Variants in DZIP1L observed in about 807,000 individuals in gnomAD.
DZIP1L encodes the protein DAZ interacting zinc finger protein 1 like.
Under a neutral mutation model 88.7 loss-of-function variants are expected in DZIP1L, and 90 were observed. The ratio of observed to expected loss-of-function variants is 1.02; its 90% CI spans 0.86 to 1.21. DZIP1L has a LOEUF of 1.21. Ranked by LOEUF, DZIP1L falls within the 50% of genes most tolerant of loss-of-function variation. DZIP1L has a pLI of 0.00. For synonymous variants in DZIP1L, 363 were observed against 372.1 expected (o/e 0.98, Z 0.28); for missense variants, 932 against 955.8 (o/e 0.98, Z 0.33).
At chr3:138,101,715 CA>C (rs2042318327) in intron 2 of DZIP1L, 2 of 835,036 alleles carry the variant, frequency 2.4e-6, no homozygotes, top group Non-Finnish European at 4.2e-6. Flanking sequence ...TTGTGTTCTG[CA>C]TCTCAGACTC....
At chr3:138,111,868 G>C (rs2042625897) in intron 1 of DZIP1L, among the ~76,000 whole-genome samples, 1 of 152,106 alleles carries the variant, frequency 6.6e-6, no homozygotes, top group Admixed American at 6.5e-5. Flanking sequence ...GGTGGTGGGT[G>C]CCTGTAATCC....
At position 138,097,764 on chromosome 3, in the gene DZIP1L, A is replaced by G. The variant is rs753258945; in HGVS notation, c.585T>C (p.Gly195=). ...GCCCGGGCTGCTGTCTGGACTCACC[A>G]CCTTCTGCCACGCCTGCATGCCTGC... is the stretch of plus-strand genomic sequence containing the variant. ...IQRRHAGVAE[G]GKQKKQEQPV... Residue 195 remains glycine (G), a splice_region_variant and synonymous_variant, in exon 3 of 16, where the codon GGT becomes GGC. Coordinates refer to ENST00000327532, the MANE Select transcript of DZIP1L (RefSeq NM_173543.3). 1.3e-5 allele frequency: 21 copies of G among 1,609,760 alleles called. No individual in the cohort carries two copies. The highest frequency in any genetic ancestry group is 1.6e-5 in the Non-Finnish European group (19 of 1,178,260).
In DZIP1L at chr3:138,115,595, T is replaced by G. The variant is rs140636696; in HGVS notation, c.-349A>C. 7.5e-3 allele frequency: 1,146 copies of G among 152,094 alleles called. 9 individuals are homozygous for G. Among genetic ancestry groups the G allele is most frequent in the Non-Finnish European group, 9.8e-3 (667 of 68,036 alleles). The allele number at this position is 152,094 out of a possible 1,614,324, so 9.4% of individuals were successfully genotyped here. A position where few individuals can be genotyped will look rare whatever the true frequency, so the allele number is the denominator to read the frequency against. On this transcript the variant is annotated 5_prime_UTR_variant, in exon 1 of 16. Coordinates refer to ENST00000327532, the MANE Select transcript of DZIP1L (RefSeq NM_173543.3). The stretch of plus-strand genomic sequence containing the variant: ...GACAGAGAGCTCCTCGGTGCGTCGG[T>G]CAGCTCGTGGCTTGGGGTCTCTGGT...
chr3:138,084,841 A>G (rs1474273842), intron 7 of DZIP1L, among the ~76,000 whole-genome samples: 63 of 152,364 alleles, frequency 4.1e-4, no homozygotes, highest in Middle Eastern at 6.8e-3. Context: ...AGCTTTCTAC[A>G]TATGGCTAGC....
chr3:138,084,369 A>G, intron 7 of DZIP1L, 116 bp from the exon 8 acceptor site: 1 of 1,352,714 alleles, frequency 7.4e-7, no homozygotes, highest in Non-Finnish European at 9.8e-7. Context: ...AAGGATTTTG[A>G]GACCTGGACA....
chr3:138,073,228 C>T (rs1221957663), intron 11 of DZIP1L, among the ~76,000 whole-genome samples: 6 of 152,140 alleles, frequency 3.9e-5, no homozygotes, highest in Non-Finnish European at 5.9e-5. Flanking sequence ...AGTTTGAAAG[C>T]ACCACCTCCT....
chr3:138,087,056 C>T (rs746775274), intron 6 of DZIP1L, 33 bp from the exon 7 acceptor site: 1 of 1,606,248 alleles, frequency 6.2e-7, no homozygotes, highest in Non-Finnish European at 8.5e-7. Context: ...CAAATGGGCC[C>T]TTGCAGGTAT....
intron 6 of DZIP1L, among the ~76,000 whole-genome samples, chr3:138,087,349 C>G (rs755157268): frequency 7.2e-5 from 11 of 152,136 alleles, no homozygotes; most frequent in Admixed American, 4.6e-4. Flanking sequence ...TAAAAGAAAA[C>G]ACAGGAATGT....
intron 11 of DZIP1L, among the ~76,000 whole-genome samples, chr3:138,073,271 C>G (rs575265255): frequency 1.1e-4 from 17 of 152,134 alleles, no homozygotes; most frequent in Non-Finnish European, 2.2e-4. Context: ...AACCAATGCA[C>G]TAAACAAACA....
intron 12 of DZIP1L, chr3:138,068,887 C>A: frequency 4.9e-6 from 6 of 1,233,408 alleles, no homozygotes; most frequent in Non-Finnish European, 6.1e-6. Flanking sequence ...CAAATTGCAT[C>A]AAGACCTATA....
chr3:138,086,976 C>G lies in DZIP1L; in HGVS notation c.1047G>C (p.Met349Ile), dbSNP rs748818108. Residue 349 changes from methionine (M) to isoleucine (I), a missense_variant, in exon 7 of 16, where the codon ATG (methionine) becomes ATC (isoleucine). By Grantham distance (10) the Met-to-Ile change is conservative. Coordinates refer to ENST00000327532, the MANE Select transcript of DZIP1L (RefSeq NM_173543.3). The part of the protein sequence containing the change: ...RKVKELHEEH[M>I]AEKKELQEEN... ...CAAAAGCTACCTCTTTCTTCTCAGC[C>G]ATGTGCTCTTCATGCAGTTCCTTCA... 3.7e-6 allele frequency: 6 copies of G among 1,613,908 alleles called. No individual in the cohort carries two copies. Among genetic ancestry groups the G allele is most frequent in the Non-Finnish European group, 5.1e-6 (6 of 1,180,004 alleles).
intron 14 of DZIP1L, among the ~76,000 whole-genome samples, chr3:138,066,965 G>A (rs1274658473): frequency 6.6e-6 from 1 of 152,138 alleles, no homozygotes; most frequent in African/African-American, 2.4e-5. Context: ...GAGCCTGGCT[G>A]GAGTGTACCC....
In DZIP1L at chr3:138,100,559, G is replaced by C. The variant is rs540686922; in HGVS notation, c.502-2712C>G. 2.0e-5 allele frequency among the ~76,000 whole-genome samples: 3 copies of C among 152,310 alleles called. No individual in the cohort carries two copies. The East Asian group carries it at 5.8e-4, about 29-fold the overall frequency. On this transcript the variant is annotated intron_variant, in intron 2 of 15. Transcript: ENST00000327532. ...TACAGGAGGCCCAGGTATCTGAAGTGGGGCCAGTCTTGTGGGACTGATCCC... is the reference window on the plus strand; with the variant it reads ...TACAGGAGGCCCAGGTATCTGAAGTCGGGCCAGTCTTGTGGGACTGATCCC...
In DZIP1L at chr3:138,063,981, T is replaced by C. The variant is rs953811655; in HGVS notation, c.2142+647A>G. On this transcript the variant is annotated intron_variant, in intron 15 of 15. Transcript: ENST00000327532. The surrounding 1 kb of genome is among the most constrained non-coding windows in gnomAD (Gnocchi z 4.1). ...AAGTAAAGGGAGCTCTAAAGTTTTCTGCTTGAAAAATAACAGCAGTGTGCA... is the reference window on the plus strand; with the variant it reads ...AAGTAAAGGGAGCTCTAAAGTTTTCCGCTTGAAAAATAACAGCAGTGTGCA... Among the ~76,000 whole-genome samples, 2 of 152,218 alleles carry C rather than the reference T, an allele frequency of 1.3e-5. No individual in the cohort carries two copies. Among genetic ancestry groups the C allele is most frequent in the Middle Eastern group, 3.2e-3 (1 of 316 alleles).
chr3:138,078,688 T>G (rs1307849409), intron 10 of DZIP1L, among the ~76,000 whole-genome samples: 1 of 152,134 alleles, frequency 6.6e-6, no homozygotes, highest in Non-Finnish European at 1.5e-5. Context: ...CCCAAAAATC[T>G]GGGTTATAAT....
rs1944398578 is a variant in DZIP1L at position 138,094,912 on chromosome 3, G to C, written c.658C>G (p.Gln220Glu). The change falls in exon 4 of 16, where the codon CAA becomes GAA. Residue 220 changes from glutamine (Q) to glutamate (E), a missense_variant. Physicochemically the swap from Gln to Glu is conservative, Grantham distance 29. Coordinates refer to ENST00000327532, the MANE Select transcript of DZIP1L (RefSeq NM_173543.3). ...TCCCTCTGGGCTTCCAGCTCCCCTTGGGTCCACTTTAGCTTGGCCCGTAGC... is the reference window on the plus strand; with the variant it reads ...TCCCTCTGGGCTTCCAGCTCCCCTTCGGTCCACTTTAGCTTGGCCCGTAGC... ...EELRAKLKWT[Q>E]GELEAQREAE... is the part of the protein sequence containing the mutation. 1.2e-6 allele frequency: 2 copies of C among 1,614,216 alleles called. No individual in the cohort carries two copies. Among genetic ancestry groups the C allele is most frequent in the African/African-American group, 1.3e-5 (1 of 75,062 alleles).
intron 10 of DZIP1L, among the ~76,000 whole-genome samples, chr3:138,079,471 A>C (rs935533499): frequency 2.6e-5 from 4 of 152,358 alleles, no homozygotes; most frequent in African/African-American, 9.6e-5. Flanking sequence ...CTTTAAAGGG[A>C]TATGAAACCA....
At chr3:138,077,010 A>G (rs1168135405) in intron 11 of DZIP1L, among the ~76,000 whole-genome samples, 1 of 152,056 alleles carries the variant, frequency 6.6e-6, no homozygotes, top group African/African-American at 2.4e-5. Flanking sequence ...GGAAAATATA[A>G]GTTATTACTT....
intron 4 of DZIP1L, among the ~76,000 whole-genome samples, chr3:138,094,310 C>A (rs575116996): frequency 4.6e-5 from 7 of 152,148 alleles, no homozygotes; most frequent in Non-Finnish European, 1.0e-4. Flanking sequence ...TTGACACAAA[C>A]CTTCAATGTG....
Sources: gnomAD v4.1 joint callset for allele counts (sites outside exome capture counted in the v4.1 genomes callset) on GRCh38, gnomAD v4.1.1 for gene constraint, Gnocchi (gnomAD v3.1) non-coding constraint, MANE v1.5 for transcripts, NCBI Gene and HGNC (gene_info 2026-07-23, HGNC 2026-07-21) for gene names.